TPST1: variants seen among roughly 807,000 people sequenced by gnomAD.
TPST1 encodes the protein tyrosylprotein sulfotransferase 1.
A neutral mutation model predicts 34.8 loss-of-function variants in TPST1; 20 were observed. That is an observed-to-expected ratio of 0.57 (90% CI 0.40 to 0.84). The LOEUF (loss-of-function observed/expected upper bound fraction) is 0.84. Ranked by LOEUF, TPST1 falls within the 40% of genes least tolerant of loss-of-function variation. TPST1 has a pLI of 0.00. For synonymous variants in TPST1, 152 were observed against 159.4 expected, an observed-to-expected ratio of 0.95 and a Z score of 0.35; for missense variants, 353 against 455.5, an observed-to-expected ratio of 0.78 and a Z score of 2.05.
chr7:66,342,730 G>T (rs1486439381), intron 3 of TPST1, among the ~76,000 whole-genome samples: 2 of 151,994 alleles, frequency 1.3e-5, no homozygotes, highest in South Asian at 4.2e-4. Context: ...AGGGGAGGGA[G>T]GTGCCAGACT....
intron 1 of TPST1, among the ~76,000 whole-genome samples, chr7:66,223,263 A>G (rs890199705): frequency 2.0e-5 from 3 of 152,022 alleles, no homozygotes; most frequent in Non-Finnish European, 4.4e-5. Context: ...CCTGGGCATC[A>G]TAAGGAGGCC....
At chr7:66,282,368 G>A (rs1235542579) in intron 2 of TPST1, among the ~76,000 whole-genome samples, 1 of 152,192 alleles carries the variant, frequency 6.6e-6, no homozygotes, top group Non-Finnish European at 1.5e-5. Flanking sequence ...GAGCTCTTCT[G>A]TTATAGAGCA....
intron 3 of TPST1, among the ~76,000 whole-genome samples, chr7:66,352,290 G>GCACT (rs1480512432): frequency 6.6e-6 from 1 of 152,198 alleles, no homozygotes; most frequent in Non-Finnish European, 1.5e-5. Context: ...ACATTTGTGA[G>GCACT]CACTCGGTAA....
At chr7:66,279,096 C>G (rs1469318069) in intron 2 of TPST1, among the ~76,000 whole-genome samples, 1 of 152,122 alleles carries the variant, frequency 6.6e-6, no homozygotes, top group Non-Finnish European at 1.5e-5. Context: ...ACCCTCGACC[C>G]TTAAGTAGGC....
chr7:66,224,898 A>ATTTTTTTTTT (rs1385577766), intron 1 of TPST1, among the ~76,000 whole-genome samples: 2 of 46,140 alleles, frequency 4.3e-5, no homozygotes, highest in Non-Finnish European at 9.1e-5. Flanking sequence ...ACATTCTGGT[A>ATTTTTTTTTT]TTCTTTTTTT....
chr7:66,315,839 G>A (rs1019128329), intron 3 of TPST1, among the ~76,000 whole-genome samples: 4 of 152,056 alleles, frequency 2.6e-5, no homozygotes, highest in East Asian at 1.9e-4. Context: ...GGCCAGGTGC[G>A]GTAGCACACG....
At chr7:66,235,755 A>G (rs1421037353) in intron 1 of TPST1, among the ~76,000 whole-genome samples, 1 of 152,178 alleles carries the variant, frequency 6.6e-6, no homozygotes, top group African/African-American at 2.4e-5. Flanking sequence ...TTGGTTTTAT[A>G]CATTTTAGGG....
At chr7:66,308,700 CAT>C (rs1791470759) in intron 3 of TPST1, among the ~76,000 whole-genome samples, 1 of 152,164 alleles carries the variant, frequency 6.6e-6, no homozygotes, top group African/African-American at 2.4e-5. Context: ...CAGCCTTTCC[CAT>C]TGTTATTTCT....
chr7:66,280,650 A>G (rs1427258403), intron 2 of TPST1, among the ~76,000 whole-genome samples: 14 of 152,116 alleles, frequency 9.2e-5, no homozygotes. Flanking sequence ...TGTGTTGAGT[A>G]GGAGTGGTGA....
intron 1 of TPST1, among the ~76,000 whole-genome samples, chr7:66,227,481 G>A (rs1252574856): frequency 2.0e-5 from 3 of 152,002 alleles, no homozygotes; most frequent in Non-Finnish European, 4.4e-5. Flanking sequence ...GGAGGGCAGT[G>A]GTGTGATCAT....
chr7:66,254,630 C>T (rs906137908), intron 2 of TPST1, among the ~76,000 whole-genome samples: 19 of 152,176 alleles, frequency 1.2e-4, no homozygotes, highest in Non-Finnish European at 2.4e-4. Context: ...TCTCAAACTA[C>T]TGAACTCAGG....
intron 2 of TPST1, among the ~76,000 whole-genome samples, chr7:66,261,043 C>T (rs978635151): frequency 2.0e-5 from 3 of 152,286 alleles, no homozygotes; most frequent in African/African-American, 7.2e-5. Flanking sequence ...CTTTCAGCTC[C>T]ATTTCTCAAC....
chr7:66,232,674 T>A (rs914558288), intron 1 of TPST1, among the ~76,000 whole-genome samples: 4 of 152,168 alleles, frequency 2.6e-5, no homozygotes, highest in African/African-American at 9.6e-5. Flanking sequence ...GAATAGTTTT[T>A]AAATTATTTT....
Position 66,221,294 on chromosome 7 carries a change from T to G in TPST1, c.-102+15772T>G, listed in dbSNP as rs182767603. ...CGTAATTATCAGCAGGGAAAAAAATTGAGGGAAATCAAGTAAAGGGAGATG... is the reference window on the plus strand; with the variant it reads ...CGTAATTATCAGCAGGGAAAAAAATGGAGGGAAATCAAGTAAAGGGAGATG... On this transcript the variant is annotated intron_variant, in intron 1 of 5. Coordinates refer to ENST00000304842, the MANE Select transcript of TPST1 (RefSeq NM_003596.4). Among the ~76,000 whole-genome samples the G allele has an allele frequency of 7.5e-4, 114 of 152,014 alleles. 1 individual carries two copies. The highest frequency in any genetic ancestry group is 2.7e-3 in the African/African-American group (111 of 41,468).
At chr7:66,272,679 C>T (rs186850680) in intron 2 of TPST1, among the ~76,000 whole-genome samples, 43 of 151,916 alleles carry the variant, frequency 2.8e-4, no homozygotes, top group Middle Eastern at 3.4e-3. Flanking sequence ...CCTCCTCCTC[C>T]GGGCTCAAGC....
intron 3 of TPST1, among the ~76,000 whole-genome samples, chr7:66,349,263 TGAGA>T (rs1207239151): frequency 4.6e-5 from 7 of 152,096 alleles, no homozygotes; most frequent in Non-Finnish European, 7.4e-5. Context: ...TCTGAATGTC[TGAGA>T]GAGTGTGAAA....
intron 2 of TPST1, among the ~76,000 whole-genome samples, chr7:66,242,663 T>C (rs753606063): frequency 6.6e-6 from 1 of 152,236 alleles, no homozygotes; most frequent in Non-Finnish European, 1.5e-5. Flanking sequence ...TCAGTCTTTG[T>C]GCTTGTATGT....
Position 66,303,391 on chromosome 7 carries a change from G to GTGTATGTATGTATGTA in TPST1, c.1044+16692_1044+16707dup, listed in dbSNP as rs6150141. Among the ~76,000 whole-genome samples, 644 of 150,136 alleles carry GTGTATGTATGTATGTA rather than the reference G, an allele frequency of 4.3e-3. 8 individuals carry two copies. The highest frequency in any genetic ancestry group is 0.031 in the East Asian group (157 of 5,116). Reference sequence around the variant, plus strand: ...TTTGTATTTAGAAAAACAGCTGTGTGTGTATGTATGTATGTATGTATGTAT... The same window carrying GTGTATGTATGTATGTA: ...TTTGTATTTAGAAAAACAGCTGTGTGTGTATGTATGTATGTATGTATGTATGTATGTATGTATGTAT... On this transcript the variant is annotated intron_variant, in intron 3 of 5. Transcript: ENST00000304842.
intron 3 of TPST1, among the ~76,000 whole-genome samples, chr7:66,302,977 G>A (rs1791347259): frequency 6.6e-6 from 1 of 151,988 alleles, no homozygotes. Context: ...ACAGCACATT[G>A]TATACCTCCA....
Sources: allele counts gnomAD v4.1 joint callset (sites outside exome capture counted in the v4.1 genomes callset), GRCh38; gene constraint gnomAD v4.1.1; transcripts MANE v1.5; gene names NCBI Gene and HGNC (gene_info 2026-07-23, HGNC 2026-07-21).